Variants in DNAH5 observed in about 807,000 individuals in gnomAD.
The protein encoded by DNAH5 is dynein axonemal heavy chain 5, also known as axonemal beta dynein heavy chain 5.
Under a neutral mutation model 518.2 loss-of-function variants are expected in DNAH5, and 372 were observed. The ratio of observed to expected loss-of-function variants is 0.72; its 90% CI spans 0.66 to 0.78. DNAH5 has a LOEUF of 0.78. DNAH5 is among the 30% of genes least tolerant of loss of function. The pLI, the probability that DNAH5 is intolerant of heterozygous loss-of-function variation, is 0.00. For missense variants in DNAH5, 5,523 were observed against 5,687.0 expected (o/e 0.97, Z 0.93); for synonymous variants, 2,039 against 2,025.9 (o/e 1.01, Z -0.17).
intron 65 of DNAH5, among the ~76,000 whole-genome samples, chr5:13,747,458 C>T (rs563221481): frequency 2.9e-4 from 44 of 152,230 alleles, no homozygotes; most frequent in African/African-American, 9.6e-4. Context: ...CCTGAGGAAT[C>T]GCCACACTGT....
In DNAH5 at chr5:13,768,986, A is replaced by C. The variant is rs1379421295; in HGVS notation, c.9871T>G (p.Leu3291Val). ...EEKLEAAKPA[L>V]EEAEAALQTI... ...TGCAATGCAGCTTCTGCCTCTTCTA[A>C]AGCTGGTTTTGCTGCTTCCAGTTTT... The change falls in exon 58 of 79, where the codon TTA (leucine) becomes GTA (valine). Residue 3291 changes from leucine (L) to valine (V), a missense_variant. By Grantham distance (32) the Leu-to-Val change is conservative. Coordinates refer to ENST00000265104, the MANE Select transcript of DNAH5 (RefSeq NM_001369.3). 6.2e-7 allele frequency: 1 copy of C among 1,614,034 alleles called. No individual in the cohort carries two copies. Among genetic ancestry groups the C allele is most frequent in the East Asian group, 2.2e-5 (1 of 44,896 alleles).
At position 13,788,761 on chromosome 5, in the gene DNAH5, C is replaced by T. The variant is rs1756482195; in HGVS notation, c.8602G>A (p.Asp2868Asn). The change falls in exon 51 of 79, where the codon GAC becomes AAC. Residue 2868 changes from aspartate to asparagine, a missense_variant. Around this residue, in one of 3 missense-constraint regions of DNAH5, gnomAD observed 5,121 missense variants for 5,223.3 expected, o/e 0.98. Transcript: ENST00000265104. ...CTCAAGAAATCCACAAAATATGTGT[C>T]AATTCCACAATCCACCAAGAGTTTT... The part of the protein sequence containing the change: ...EKKLLVDCGI[D>N]TYFVDFLRDA... 6.2e-7 allele frequency: 1 copy of T among 1,613,976 alleles called. No individual in the cohort carries two copies. The highest frequency in any genetic ancestry group is 8.5e-7 in the Non-Finnish European group (1 of 1,180,018).
intron 1 of DNAH5, among the ~76,000 whole-genome samples, chr5:13,974,454 T>C (rs1035473908): frequency 6.6e-6 from 1 of 152,206 alleles, no homozygotes; most frequent in African/African-American, 2.4e-5. Context: ...AATATCCCTC[T>C]CTATTATTTG....
intron 43 of DNAH5, 71 bp downstream of exon 43, chr5:13,814,534 C>T (rs1761179662): frequency 6.6e-7 from 1 of 1,521,154 alleles, no homozygotes; most frequent in East Asian, 2.3e-5. Flanking sequence ...GAAAAATTGG[C>T]ACACACACTA....
intron 1 of DNAH5, among the ~76,000 whole-genome samples, chr5:13,979,451 G>T (rs774256807): frequency 2.6e-5 from 4 of 152,056 alleles, no homozygotes; most frequent in Non-Finnish European, 5.9e-5. Flanking sequence ...CATTCACAAT[G>T]TAGCCCAAAC....
intron 63 of DNAH5, among the ~76,000 whole-genome samples, 181 bp downstream of exon 63, chr5:13,753,052 C>A (rs1750463839): frequency 1.3e-5 from 2 of 152,178 alleles, no homozygotes; most frequent in Admixed American, 6.5e-5. Flanking sequence ...AACACAAATG[C>A]AAATAATGAA....
At chr5:13,809,941 A>G in intron 45 of DNAH5, 118 bp downstream of exon 45, 1 of 1,078,970 alleles carries the variant, frequency 9.3e-7, no homozygotes, top group Non-Finnish European at 1.4e-6. Context: ...GAACGTTTTC[A>G]TATCTTACAG....
At chr5:13,817,753 C>T in intron 41 of DNAH5, 59 bp from the exon 42 acceptor site, 2 of 1,538,214 alleles carry the variant, frequency 1.3e-6, no homozygotes, top group Non-Finnish European at 1.8e-6. Context: ...CATCATTAAG[C>T]AACATTGCAC....
At chr5:13,955,315 A>G (rs1053481076) in intron 1 of DNAH5, among the ~76,000 whole-genome samples, 2 of 152,176 alleles carry the variant, frequency 1.3e-5, no homozygotes, top group African/African-American at 4.8e-5. Context: ...CTTCCTGTTA[A>G]GCCTGTGGAA....
In DNAH5 at chr5:13,923,227, C is replaced by T. The variant is rs570444165; in HGVS notation, c.438+53G>A. ...TCTCCACCAGAGGAATATTTGTGTGCAAGTTGTGTGTTTTTTGGTAATTCA... is the reference window on the plus strand; with the variant it reads ...TCTCCACCAGAGGAATATTTGTGTGTAAGTTGTGTGTTTTTTGGTAATTCA... On this transcript the variant is annotated intron_variant, in intron 4 of 78. Transcript: ENST00000265104. 45 of 1,602,270 alleles carry T rather than the reference C, an allele frequency of 2.8e-5. No individual in the cohort carries two copies. The South Asian group carries it at 5.0e-4, about 18-fold the overall frequency.
At chr5:13,768,815 A>C in intron 58 of DNAH5, 145 bp downstream of exon 58, 1 of 946,044 alleles carries the variant, frequency 1.1e-6, no homozygotes. Flanking sequence ...TAAAGTCTCA[A>C]GCAGAAAATA....
Position 13,713,348 on chromosome 5 carries a change from C to CAT in DNAH5, c.13125+1055_13125+1056dup, listed in dbSNP as rs1238715182. On this transcript the variant is annotated intron_variant, in intron 75 of 78. Coordinates refer to ENST00000265104, the MANE Select transcript of DNAH5 (RefSeq NM_001369.3). ...ATATACCGACATATATATATACCGA[C>CAT]ATATATATACTGACATATATATATA... 2.2e-3 allele frequency among the ~76,000 whole-genome samples: 305 copies of CAT among 139,652 alleles called. 1 individual carries two copies. Among genetic ancestry groups the CAT allele is most frequent in the Non-Finnish European group, 4.2e-3 (276 of 65,352 alleles). 91.6% of individuals were successfully genotyped at this position (139,652 alleles called of 152,430 possible). A position where few individuals can be genotyped will look rare whatever the true frequency, so the allele number is the denominator to read the frequency against.
At chr5:13,771,316 C>T (rs1463173092) in intron 55 of DNAH5, 1 of 324,974 alleles carries the variant, frequency 3.1e-6, no homozygotes, top group South Asian at 3.3e-5. Flanking sequence ...GTACAAATAA[C>T]TCAGAAATCA....
chr5:13,969,243 TTTTG>T, intron 1 of DNAH5, among the ~76,000 whole-genome samples: 1 of 152,352 alleles, frequency 6.6e-6, no homozygotes, highest in African/African-American at 2.4e-5. Flanking sequence ...GGTTTATCAA[TTTTG>T]TTTATCTTTT....
At chr5:13,815,304 G>C (rs747262942) in intron 42 of DNAH5, among the ~76,000 whole-genome samples, 3 of 152,230 alleles carry the variant, frequency 2.0e-5, no homozygotes, top group Non-Finnish European at 4.4e-5. Flanking sequence ...GTGATGTAAA[G>C]ATCTAGAGGT....
At chr5:13,862,853 A>ATAC in intron 28 of DNAH5, 106 bp from the exon 29 acceptor site, 1 of 301,454 alleles carries the variant, frequency 3.3e-6, no homozygotes, top group Admixed American at 5.0e-5. Flanking sequence ...TATATATATA[A>ATAC]ATATATATAT....
At chr5:13,843,990 G>A (rs769143315) in intron 32 of DNAH5, among the ~76,000 whole-genome samples, 3 of 152,150 alleles carry the variant, frequency 2.0e-5, no homozygotes, top group Non-Finnish European at 2.9e-5. Flanking sequence ...GGAACCCCAG[G>A]CCAGCATCAT....
rs186779501 is a variant in DNAH5, at chr5:13,944,560, G to A, written c.-122C>T. ...AGTTTTACTTCCATTTTACTTTCAC[G>A]TTTCTAATTTGCATGTATTATTCAC... On this transcript the variant is annotated 5_prime_UTR_variant, in exon 1 of 79. The change creates a new upstream start codon in the 5' untranslated region. Coordinates refer to ENST00000265104, the MANE Select transcript of DNAH5 (RefSeq NM_001369.3). 2.0e-4 allele frequency: 161 copies of A among 815,548 alleles called. No individual in the cohort carries two copies. In the African/African-American group the frequency reaches 2.0e-3, roughly 10 times the overall value. 50.5% of individuals were successfully genotyped at this position (815,548 alleles called of 1,614,324 possible).
chr5:13,712,024 A>T (rs1743549745), intron 75 of DNAH5, among the ~76,000 whole-genome samples: 1 of 152,198 alleles, frequency 6.6e-6, no homozygotes, highest in Non-Finnish European at 1.5e-5. Flanking sequence ...TCTAAACTTC[A>T]TATGTAACCA....
Sources: allele counts gnomAD v4.1 joint callset (sites outside exome capture counted in the v4.1 genomes callset), GRCh38; gene constraint gnomAD v4.1.1; regional missense constraint gnomAD v4.1.1; transcripts MANE v1.5; gene names NCBI Gene and HGNC (gene_info 2026-07-23, HGNC 2026-07-21).